Variants in DLGAP2 observed in about 807,000 individuals in gnomAD.
DLGAP2 encodes disks large-associated protein 2.
A neutral mutation model predicts 100.3 loss-of-function variants in DLGAP2; 26 were observed. The ratio of observed to expected loss-of-function variants is 0.26; its 90% CI spans 0.19 to 0.36. The LOEUF is 0.36. Ranked by LOEUF, DLGAP2 falls within the 10% of genes least tolerant of loss-of-function variation. The pLI is 1.00. For synonymous variants in DLGAP2, 886 were observed against 630.1 expected (o/e 1.41, Z -6.08); for missense variants, 1,858 against 1,453.2 (o/e 1.28, Z -4.53).
intron 6 of DLGAP2, among the ~76,000 whole-genome samples, chr8:1,615,753 T>G (rs1260007568): frequency 6.6e-6 from 1 of 151,854 alleles, no homozygotes; most frequent in African/African-American, 2.4e-5. Context: ...CGGAAAGATC[T>G]TTAAAGCAGC....
At chr8:928,303 C>T (rs1016542512) in intron 2 of DLGAP2, among the ~76,000 whole-genome samples, 1 of 151,890 alleles carries the variant, frequency 6.6e-6, no homozygotes, top group Non-Finnish European at 1.5e-5. Flanking sequence ...TGTGTGTTCA[C>T]TAGGCATCCT....
intron 3 of DLGAP2, among the ~76,000 whole-genome samples, chr8:1,473,261 T>C (rs1563169983): frequency 6.6e-6 from 1 of 152,124 alleles, no homozygotes; most frequent in Non-Finnish European, 1.5e-5. Context: ...TTATTCATAA[T>C]CACCAAAAAC....
chr8:1,127,366 C>T (rs2129048560), intron 2 of DLGAP2, among the ~76,000 whole-genome samples: 1 of 152,134 alleles, frequency 6.6e-6, no homozygotes, highest in East Asian at 2.0e-4. Context: ...CCATGGGCCC[C>T]AGGTCTGGTG....
chr8:743,172 A>G (rs987713095), intron 1 of DLGAP2, among the ~76,000 whole-genome samples: 1 of 152,240 alleles, frequency 6.6e-6, no homozygotes, highest in Non-Finnish European at 1.5e-5. Flanking sequence ...AATGCTAATT[A>G]GAAAATAGAA....
chr8:959,848 C>A (rs1228183651), intron 2 of DLGAP2, among the ~76,000 whole-genome samples: 2 of 152,156 alleles, frequency 1.3e-5, no homozygotes, highest in African/African-American at 4.8e-5. Context: ...CAATGATTTT[C>A]ATGCTCATAT....
intron 2 of DLGAP2, among the ~76,000 whole-genome samples, chr8:1,189,756 A>C (rs1797593742): frequency 1.3e-5 from 2 of 152,180 alleles, no homozygotes; most frequent in Non-Finnish European, 2.9e-5. Flanking sequence ...TGTTCAGGAC[A>C]CGGCAGATAC....
chr8:1,256,744 A>G (rs1286938213), intron 2 of DLGAP2, among the ~76,000 whole-genome samples: 2 of 152,148 alleles, frequency 1.3e-5, no homozygotes. Context: ...CACTTTCTGC[A>G]GAATTTGTGA....
intron 2 of DLGAP2, among the ~76,000 whole-genome samples, chr8:1,249,526 T>G (rs1798990252): frequency 6.6e-6 from 1 of 152,174 alleles, no homozygotes; most frequent in African/African-American, 2.4e-5. Context: ...GATGAAATAT[T>G]TTGCAAATTG....
intron 3 of DLGAP2, among the ~76,000 whole-genome samples, chr8:1,388,600 G>A (rs1409933473): frequency 1.2e-5 from 1 of 82,076 alleles, no homozygotes. Context: ...AGGGCTGTGA[G>A]AGCAGAGGCC....
At position 1,592,850 on chromosome 8, in the gene DLGAP2, G is replaced by A. The variant is rs558994731; in HGVS notation, c.1442+26956G>A. Among the ~76,000 whole-genome samples the A allele has an allele frequency of 1.6e-4, 25 of 152,256 alleles. 1 individual carries two copies. In the South Asian group the frequency reaches 4.6e-3, roughly 28 times the overall value. Reference sequence around the variant, plus strand: ...AGCATCACCGACTGACCAGGGTACCGCTGGCTGGGATGTTACATGGAGCAG... The same window carrying A: ...AGCATCACCGACTGACCAGGGTACCACTGGCTGGGATGTTACATGGAGCAG... On this transcript the variant is annotated intron_variant, in intron 6 of 14. Coordinates refer to ENST00000637795, the MANE Select transcript of DLGAP2 (RefSeq NM_001346810.2).
At chr8:1,526,169 A>T (rs779205940) in intron 4 of DLGAP2, among the ~76,000 whole-genome samples, 7 of 151,234 alleles carry the variant, frequency 4.6e-5, no homozygotes, top group Non-Finnish European at 7.4e-5. Context: ...AACGGGCTTC[A>T]GTTCCTGAAC....
chr8:915,220 G>A (rs1221073736), intron 2 of DLGAP2, among the ~76,000 whole-genome samples: 1 of 152,112 alleles, frequency 6.6e-6, no homozygotes, highest in Non-Finnish European at 1.5e-5. Context: ...GTGCTGTGGC[G>A]TTGCCCTCCC....
intron 2 of DLGAP2, among the ~76,000 whole-genome samples, chr8:1,223,735 CTGTT>C (rs1420402691): frequency 6.6e-6 from 1 of 152,188 alleles, no homozygotes; most frequent in African/African-American, 2.4e-5. Flanking sequence ...TCTGTGATGA[CTGTT>C]TGGTTTTCCC....
At position 962,667 on chromosome 8, in the gene DLGAP2, C is replaced by T. The variant is rs147717671; in HGVS notation, c.73+54701C>T. Among the ~76,000 whole-genome samples the T allele has an allele frequency of 1.9e-3, 291 of 152,134 alleles. 1 individual carries two copies. The highest frequency in any genetic ancestry group is 6.4e-3 in the African/African-American group (265 of 41,504). On this transcript the variant is annotated intron_variant, in intron 2 of 14. Coordinates refer to ENST00000637795, the MANE Select transcript of DLGAP2 (RefSeq NM_001346810.2). ...AAATGGAGAGGCTCCGCTTGGTATT[C>T]CCGGCAACAACGACATCAGATGGAG...
chr8:1,412,460 C>T lies in DLGAP2; in HGVS notation c.107-88906C>T, dbSNP rs574154510. 5.3e-5 allele frequency among the ~76,000 whole-genome samples: 8 copies of T among 152,312 alleles called. No individual in the cohort carries two copies. The South Asian group carries it at 6.2e-4, about 12-fold the overall frequency. ...AAATGCATGCATGCATCTGATCTCA[C>T]GAATTCAGTGCTGAAATATCCCACT... On this transcript the variant is annotated intron_variant, in intron 3 of 14. Transcript: ENST00000637795.
chr8:1,415,247 C>A (rs1321538446), intron 3 of DLGAP2, among the ~76,000 whole-genome samples: 1 of 152,136 alleles, frequency 6.6e-6, no homozygotes. Context: ...GGATACAAAA[C>A]TTTCACTTTT....
At chr8:905,473 A>C (rs937593825) in intron 1 of DLGAP2, among the ~76,000 whole-genome samples, 1 of 152,044 alleles carries the variant, frequency 6.6e-6, no homozygotes, top group Admixed American at 6.5e-5. Context: ...CCCTTTTTCA[A>C]ATCGAACAGA....
chr8:1,410,866 TC>T (rs1435286126), intron 3 of DLGAP2, among the ~76,000 whole-genome samples: 1 of 151,944 alleles, frequency 6.6e-6, no homozygotes, highest in Admixed American at 6.6e-5. Context: ...TTCCTTGTTT[TC>T]AGTTGTCTTA....
chr8:1,046,222 T>G (rs911692810), intron 2 of DLGAP2, among the ~76,000 whole-genome samples: 6 of 152,238 alleles, frequency 3.9e-5, no homozygotes, highest in Admixed American at 2.0e-4. Context: ...ATTTTTGTTC[T>G]GCCTTGAATG....
Sources: allele counts gnomAD v4.1 joint callset (sites outside exome capture counted in the v4.1 genomes callset), GRCh38; gene constraint gnomAD v4.1.1; transcripts MANE v1.5; gene names NCBI Gene and HGNC (gene_info 2026-07-23, HGNC 2026-07-21).